Variants in ZNF263 observed in about 807,000 individuals in gnomAD.
ZNF263 encodes the protein zinc finger protein FPM315.
Under a neutral mutation model 63.1 loss-of-function variants are expected in ZNF263, and 49 were observed. The observed-to-expected ratio is 0.78, with a 90% CI of 0.62 to 0.99. The LOEUF is 0.99. Ranked by LOEUF, ZNF263 falls within the 50% of genes least tolerant of loss-of-function variation. The pLI is 0.00. For synonymous variants in ZNF263, 352 were observed against 324.2 expected (o/e 1.09, Z -0.92); for missense variants, 872 against 854.8 (o/e 1.02, Z -0.25).
At chr16:3,300,661 G>C in intron 2 of ZNF263, 1 of 1,519,552 alleles carries the variant, frequency 6.6e-7, no homozygotes, top group Non-Finnish European at 8.8e-7. Context: ...AAAGGGAAAA[G>C]CCTTAATGAA....
intron 4 of ZNF263, among the ~76,000 whole-genome samples, chr16:3,288,040 T>C (rs1959445237): frequency 6.6e-6 from 1 of 151,400 alleles, no homozygotes; most frequent in African/African-American, 2.4e-5. Flanking sequence ...TCACTTGAAG[T>C]CAGGAGTTCG....
At chr16:3,300,374 C>G (rs764952398) in intron 2 of ZNF263, 1 of 1,614,122 alleles carries the variant, frequency 6.2e-7, no homozygotes, top group Non-Finnish European at 8.5e-7. Context: ...ACCGCATCAT[C>G]TACATCACCA....
At chr16:3,298,041 T>C (rs1959810780) in intron 1 of ZNF263, among the ~76,000 whole-genome samples, 1 of 152,236 alleles carries the variant, frequency 6.6e-6, no homozygotes, top group Admixed American at 6.5e-5. Context: ...CGCAGCTTTT[T>C]CAAAAGTTCA....
Position 3,290,527 on chromosome 16 carries a change from T to C in ZNF263, c.2021T>C (p.Leu674Pro). ...GAAAGCTTCTCTCGGAGTTCCCGTCTTATGAGTCATCAGAGAACTCACACA... is the reference window on the plus strand; with the variant it reads ...GAAAGCTTCTCTCGGAGTTCCCGTCCTATGAGTCATCAGAGAACTCACACA... ...CGESFSRSSR[L>P]MSHQRTHTG Residue 674 changes from leucine to proline, a missense_variant, in exon 6 of 6, where the codon CTT (leucine) becomes CCT (proline). Physicochemically the swap from Leu to Pro is moderately conservative, Grantham distance 98. Coordinates refer to ENST00000219069, the MANE Select transcript of ZNF263 (RefSeq NM_005741.5). 6.2e-7 allele frequency: 1 copy of C among 1,613,168 alleles called. No individual in the cohort carries two copies. Among genetic ancestry groups the C allele is most frequent in the Non-Finnish European group, 8.5e-7 (1 of 1,179,540 alleles).
At chr16:3,299,573 C>G in intron 2 of ZNF263, 3 of 1,537,856 alleles carry the variant, frequency 2.0e-6, no homozygotes, top group Non-Finnish European at 2.6e-6. Flanking sequence ...AGACTCTCTT[C>G]AAGTTGCTTC....
intron 4 of ZNF263, among the ~76,000 whole-genome samples, chr16:3,288,116 G>A (rs1253177884): frequency 3.3e-5 from 5 of 152,046 alleles, no homozygotes; most frequent in Non-Finnish European, 7.4e-5. Context: ...GCCGGGTGTG[G>A]TGGTGCACGC....
chr16:3,286,053 T>C lies in ZNF263; in HGVS notation c.673T>C (p.Tyr225His), dbSNP rs1959342576. 6.2e-7 allele frequency: 1 copy of C among 1,613,676 alleles called. No homozygotes were observed. The highest frequency in any genetic ancestry group is 1.3e-5 in the African/African-American group (1 of 74,976). Residue 225 changes from tyrosine (Y) to histidine (H), a missense_variant, in exon 4 of 6, where the codon TAC becomes CAC. Coordinates refer to ENST00000219069, the MANE Select transcript of ZNF263 (RefSeq NM_005741.5). Reference sequence around the variant, plus strand: ...TGAGAGCTTAGAGGACGTGGCAATGTACATCTCCCAGGAGGAGTGGGGGCA... The same window carrying C: ...TGAGAGCTTAGAGGACGTGGCAATGCACATCTCCCAGGAGGAGTGGGGGCA... The part of the protein sequence containing the change: ...LPESLEDVAM[Y>H]ISQEEWGHQD...
At chr16:3,295,271 G>A (rs1399074660), downstream of ZNF263, among the ~76,000 whole-genome samples, 1 of 152,078 alleles carries the variant, frequency 6.6e-6, no homozygotes, top group Admixed American at 6.5e-5. Flanking sequence ...AGGCCGCCCT[G>A]CGCCCGGTCC....
downstream of ZNF263, among the ~76,000 whole-genome samples, chr16:3,294,475 CATTTATTT>C (rs373123918): frequency 7.9e-5 from 12 of 152,148 alleles, no homozygotes; most frequent in Admixed American, 2.0e-4. Context: ...AAGCAAAATG[CATTTATTT>C]ATTTATTTAT....
chr16:3,283,960 C>T lies in ZNF263; in HGVS notation c.142C>T (p.Arg48Cys). The T allele has an allele frequency of 6.2e-7, 1 of 1,613,952 alleles. No homozygotes were observed. ...CTCCCACTTGCGCTTCAGACGGTTCCGCTTCCAAGAGGCAGCTGGTCCCCG... is the reference window on the plus strand; with the variant it reads ...CTCCCACTTGCGCTTCAGACGGTTCTGCTTCCAAGAGGCAGCTGGTCCCCG... ...EASHLRFRRF[R>C]FQEAAGPREA... The change falls in exon 1 of 6, where the codon CGC becomes TGC. Residue 48 changes from arginine to cysteine, a missense_variant. By Grantham distance (180) the Arg-to-Cys change is radical. Transcript: ENST00000219069.
intron 4 of ZNF263, 77 bp downstream of exon 4, chr16:3,286,226 GAC>G: frequency 3.3e-6 from 5 of 1,501,864 alleles, no homozygotes; most frequent in Non-Finnish European, 4.4e-6. Flanking sequence ...TCACCTCCTG[GAC>G]ACAGACTCTG....
At position 3,285,670 on chromosome 16, in the gene ZNF263, G is replaced by A; in HGVS notation, c.569-11G>A. ...GAATGCCATTCTCATTATAATTTCT[G>A]TCACCTTCAGCATTATCTGCTCCCT... On this transcript the variant is annotated splice_polypyrimidine_tract_variant and intron_variant, in intron 2 of 5. Coordinates refer to ENST00000219069, the MANE Select transcript of ZNF263 (RefSeq NM_005741.5). 2.5e-6 allele frequency: 4 copies of A among 1,613,742 alleles called. No homozygotes were observed. Among genetic ancestry groups the A allele is most frequent in the Non-Finnish European group, 3.4e-6 (4 of 1,179,704 alleles).
Position 3,285,720 on chromosome 16 carries a change from G to A in ZNF263, c.608G>A (p.Gly203Glu). The A allele has an allele frequency of 1.2e-6, 2 of 1,614,122 alleles. No individual in the cohort carries two copies. Among genetic ancestry groups the A allele is most frequent in the Non-Finnish European group, 1.7e-6 (2 of 1,180,028 alleles). The change falls in exon 3 of 6, where the codon GGG (glycine) becomes GAG (glutamate). Residue 203 changes from glycine to glutamate, a missense_variant. By Grantham distance (98) the Gly-to-Glu change is moderately conservative. Transcript: ENST00000219069. ...TGGCTTTCTCTTTTTCCTCCTGAAG[G>A]GAACATGGAAGACAAGGAGATGACT... is the stretch of plus-strand genomic sequence containing the variant. ...APWLSLFPPE[G>E]NMEDKEMTGP...
downstream of ZNF263, among the ~76,000 whole-genome samples, chr16:3,294,289 A>G (rs1290895255): frequency 6.6e-6 from 1 of 152,206 alleles, no homozygotes; most frequent in Non-Finnish European, 1.5e-5. Context: ...TGGAATGTGC[A>G]AAATCACCAC....
chr16:3,300,453 G>GTCCAGAATTA, intron 2 of ZNF263: 2 of 1,614,018 alleles, frequency 1.2e-6, no homozygotes, highest in Non-Finnish European at 1.7e-6. Context: ...TCAGTACAAA[G>GTCCAGAATTA]TCCAGAATTA....
intron 3 of ZNF263, 72 bp from the exon 4 acceptor site, chr16:3,285,951 C>T: frequency 1.9e-6 from 3 of 1,612,454 alleles, no homozygotes; most frequent in Non-Finnish European, 2.5e-6. Context: ...GGATTTTGCC[C>T]CTTTAACCCA....
chr16:3,296,945 G>A (rs948585691), intron 1 of ZNF263, among the ~76,000 whole-genome samples: 3 of 152,186 alleles, frequency 2.0e-5, no homozygotes, highest in African/African-American at 4.8e-5. Context: ...TTATGCTGAA[G>A]TTGACTTAAG....
chr16:3,292,089 C>T (rs1444057593), downstream of ZNF263, among the ~76,000 whole-genome samples: 1 of 152,058 alleles, frequency 6.6e-6, no homozygotes, highest in Non-Finnish European at 1.5e-5. Flanking sequence ...AATAGGAATT[C>T]TAGTAGTGTG....
In ZNF263 at chr16:3,285,734, A is replaced by G. The variant is rs767945192; in HGVS notation, c.622A>G (p.Lys208Glu). ...TCCTCCTGAAGGGAACATGGAAGAC[A>G]AGGAGATGACTGGGCCCCAGGTGAT... ...LFPPEGNMED[K>E]EMTGPQLPES... is the part of the protein sequence containing the mutation. The change falls in exon 3 of 6, where the codon AAG becomes GAG. Residue 208 changes from lysine to glutamate, a missense_variant. Coordinates refer to ENST00000219069, the MANE Select transcript of ZNF263 (RefSeq NM_005741.5). 1.9e-6 allele frequency: 3 copies of G among 1,614,116 alleles called. No individual in the cohort carries two copies. Among genetic ancestry groups the G allele is most frequent in the Non-Finnish European group, 2.5e-6 (3 of 1,180,022 alleles).
Sources: allele counts gnomAD v4.1 joint callset (sites outside exome capture counted in the v4.1 genomes callset), GRCh38; gene constraint gnomAD v4.1.1; transcripts MANE v1.5; gene names NCBI Gene and HGNC (gene_info 2026-07-23, HGNC 2026-07-21).